GPHN: variants seen among roughly 807,000 people sequenced by gnomAD.
The protein encoded by GPHN is gephyrin.
A neutral mutation model predicts 95.5 loss-of-function variants in GPHN; 17 were observed. That is an observed-to-expected ratio of 0.18 (90% CI 0.12 to 0.27). GPHN has a LOEUF of 0.27. GPHN is among the 10% of genes least tolerant of loss of function. The pLI, the probability that GPHN is intolerant of heterozygous loss-of-function variation, is 1.00. For missense variants in GPHN, 660 were observed against 978.1 expected, an observed-to-expected ratio of 0.67 and a Z score of 4.34; for synonymous variants, 320 against 322.5, an observed-to-expected ratio of 0.99 and a Z score of 0.08.
At chr14:66,524,438 T>G (rs1254580652) in intron 1 of GPHN, among the ~76,000 whole-genome samples, 1 of 152,114 alleles carries the variant, frequency 6.6e-6, no homozygotes, top group Non-Finnish European at 1.5e-5. Context: ...TCTATCAAAT[T>G]TAGAGCATTG....
the GPHN span, among the ~76,000 whole-genome samples, chr14:67,723,387 C>T: frequency 1.8e-4 from 27 of 152,186 alleles, no homozygotes; most frequent in Non-Finnish European, 2.9e-4. Flanking sequence ...GCAGGTGCCA[C>T]TACACCCAGC....
chr14:67,395,547 AC>A, the GPHN span: 1 of 1,614,030 alleles, frequency 6.2e-7, no homozygotes, highest in Non-Finnish European at 8.5e-7. Flanking sequence ...TCCAGGAAGT[AC>A]TCCGTGGATG....
the GPHN span, among the ~76,000 whole-genome samples, chr14:67,735,022 T>C: frequency 6.6e-6 from 1 of 152,204 alleles, no homozygotes; most frequent in African/African-American, 2.4e-5. Context: ...ATCTGAAAGT[T>C]TCCATCATAT....
At chr14:67,642,385 G>T in the GPHN span, 21 of 1,612,096 alleles carry the variant, frequency 1.3e-5, no homozygotes, top group African/African-American at 1.9e-4. Flanking sequence ...GCCAGGCGTG[G>T]TGAGGGGATG....
chr14:66,723,943 A>G (rs542517297), intron 2 of GPHN, among the ~76,000 whole-genome samples: 26 of 151,612 alleles, frequency 1.7e-4, no homozygotes, highest in African/African-American at 5.8e-4. Context: ...ATAATTTTCT[A>G]TCTGGAGATA....
At chr14:66,552,419 T>C (rs2059847442) in intron 1 of GPHN, among the ~76,000 whole-genome samples, 1 of 152,230 alleles carries the variant, frequency 6.6e-6, no homozygotes, top group African/African-American at 2.4e-5. Context: ...TACTTTACAG[T>C]GTTTTATTTT....
chr14:67,682,496 A>C, the GPHN span, among the ~76,000 whole-genome samples: 1 of 152,250 alleles, frequency 6.6e-6, no homozygotes, highest in South Asian at 2.1e-4. Context: ...CAAAAAGCGC[A>C]TGAAAGAATG....
At chr14:67,353,002 T>A in the GPHN span, 1 of 1,614,124 alleles carries the variant, frequency 6.2e-7, no homozygotes, top group Middle Eastern at 1.6e-4. Context: ...TCGACCTGTC[T>A]GTGCTCCCTT....
At chr14:67,236,775 A>ATTATTTTATT in the GPHN span, among the ~76,000 whole-genome samples, 2 of 150,718 alleles carry the variant, frequency 1.3e-5, no homozygotes, top group East Asian at 3.8e-4. Context: ...TTGTTATTTT[A>ATTATTTTATT]TTATTTTATT....
chr14:67,567,154 G>A, the GPHN span, among the ~76,000 whole-genome samples: 8 of 152,062 alleles, frequency 5.3e-5, no homozygotes, highest in African/African-American at 1.7e-4. Flanking sequence ...TCCGTGTTCC[G>A]GGGAGAGCTT....
At chr14:67,040,895 G>A (rs999464565) in intron 10 of GPHN, among the ~76,000 whole-genome samples, 1 of 152,162 alleles carries the variant, frequency 6.6e-6, no homozygotes, top group Non-Finnish European at 1.5e-5. Flanking sequence ...GTGTCTGCGA[G>A]ATTTCTCCAC....
At chr14:67,577,503 G>A in the GPHN span, 3 of 826,398 alleles carry the variant, frequency 3.6e-6, no homozygotes, top group East Asian at 2.7e-5. Context: ...AACCCACAGA[G>A]GGATCTGGAG....
chr14:67,157,900 A>AAGGAGTCTTGCTAGAATGT (rs1423033386), intron 18 of GPHN, among the ~76,000 whole-genome samples: 1 of 151,896 alleles, frequency 6.6e-6, no homozygotes, highest in Admixed American at 6.6e-5. Flanking sequence ...GGAAGGAAGG[A>AAGGAGTCTTGCTAGAATGT]AGGAGTCTTG....
At chr14:67,338,529 A>G in the GPHN span, 3 of 1,355,348 alleles carry the variant, frequency 2.2e-6, no homozygotes, top group Non-Finnish European at 2.9e-6. Flanking sequence ...TTCTTAGGCC[A>G]AAAAATAAAT....
intron 4 of GPHN, among the ~76,000 whole-genome samples, chr14:66,825,368 T>C (rs1321041058): frequency 6.6e-6 from 1 of 152,320 alleles, no homozygotes; most frequent in South Asian, 2.1e-4. Flanking sequence ...CACTATTGTA[T>C]CTACTACCTT....
the GPHN span, among the ~76,000 whole-genome samples, chr14:67,430,150 A>C: frequency 6.6e-6 from 1 of 152,316 alleles, no homozygotes; most frequent in Non-Finnish European, 1.5e-5. Flanking sequence ...ACGATGGGAC[A>C]TGGAGACAGG....
At chr14:66,699,044 A>G (rs1335184762) in intron 2 of GPHN, among the ~76,000 whole-genome samples, 1 of 152,222 alleles carries the variant, frequency 6.6e-6, no homozygotes, top group Non-Finnish European at 1.5e-5. Context: ...TAACTCTTCA[A>G]GGTAATGAAA....
the GPHN span, chr14:67,586,834 C>A: frequency 1.3e-6 from 2 of 1,483,654 alleles, no homozygotes; most frequent in Non-Finnish European, 1.8e-6. Context: ...GAACACTGGG[C>A]CTCCTTTTCT....
the GPHN span, among the ~76,000 whole-genome samples, chr14:67,496,988 G>C: frequency 8.6e-5 from 13 of 151,860 alleles, no homozygotes; most frequent in African/African-American, 2.9e-4. Flanking sequence ...AGTAGAGATG[G>C]GGTTTCACCA....
Sources: allele counts gnomAD v4.1 joint callset (sites outside exome capture counted in the v4.1 genomes callset), GRCh38; gene constraint gnomAD v4.1.1; transcripts MANE v1.5; gene names NCBI Gene and HGNC (gene_info 2026-07-23, HGNC 2026-07-21).